The following CYTH3 variants were observed in gnomAD, a reference collection of about 807,000 sequenced individuals.
CYTH3 encodes the protein cytohesin 3.
A neutral mutation model predicts 55.1 loss-of-function variants in CYTH3; 23 were observed. That is an observed-to-expected ratio of 0.42 (90% CI 0.30 to 0.59). The LOEUF (loss-of-function observed/expected upper bound fraction) is 0.59. CYTH3 is among the 20% of genes least tolerant of loss of function. CYTH3 has a pLI of 0.20. For missense variants in CYTH3, 413 were observed against 524.8 expected, an observed-to-expected ratio of 0.79 and a Z score of 2.08; for synonymous variants, 249 against 194.9, an observed-to-expected ratio of 1.28 and a Z score of -2.31.
At chr7:6,210,359 T>G (rs979491426) in intron 1 of CYTH3, among the ~76,000 whole-genome samples, 12 of 152,320 alleles carry the variant, frequency 7.9e-5, no homozygotes, top group African/African-American at 2.9e-4. Flanking sequence ...GAAAGTCATC[T>G]CTGACAATTT....
At chr7:6,221,874 G>A (rs899547000) in intron 1 of CYTH3, among the ~76,000 whole-genome samples, 1 of 152,120 alleles carries the variant, frequency 6.6e-6, no homozygotes, top group South Asian at 2.1e-4. Context: ...ATCATTTGAA[G>A]CCTAGAATCC....
chr7:6,225,916 G>C (rs1779239045), intron 1 of CYTH3, among the ~76,000 whole-genome samples: 1 of 151,618 alleles, frequency 6.6e-6, no homozygotes, highest in Middle Eastern at 3.6e-3. Flanking sequence ...CTGACCTTGG[G>C]AGCTCAAGAC....
intron 5 of CYTH3, among the ~76,000 whole-genome samples, chr7:6,174,846 C>A (rs1192504949): frequency 6.6e-6 from 1 of 152,200 alleles, no homozygotes; most frequent in East Asian, 1.9e-4. Flanking sequence ...CACGCCCAGC[C>A]TCTCCTTGTG....
At chr7:6,204,319 A>C (rs1784135768) in intron 1 of CYTH3, among the ~76,000 whole-genome samples, 1 of 152,338 alleles carries the variant, frequency 6.6e-6, no homozygotes, top group South Asian at 2.1e-4. Flanking sequence ...TGCTTTGCTC[A>C]ATCTCTGGAG....
chr7:6,205,875 T>TAAAAAAAAA (rs370194149), intron 1 of CYTH3, among the ~76,000 whole-genome samples: 2 of 28,090 alleles, frequency 7.1e-5, no homozygotes, highest in African/African-American at 3.1e-4. Flanking sequence ...TCCTATCTCT[T>TAAAAAAAAA]AAAAAAAAAA....
chr7:6,168,962 T>A (rs1031883259), intron 9 of CYTH3, among the ~76,000 whole-genome samples: 4 of 152,074 alleles, frequency 2.6e-5, no homozygotes, highest in African/African-American at 9.7e-5. Flanking sequence ...TCCGGTTACA[T>A]TCCCCCCCAC....
chr7:6,206,786 A>T (rs911160299), intron 1 of CYTH3, among the ~76,000 whole-genome samples: 1 of 152,214 alleles, frequency 6.6e-6, no homozygotes, highest in Non-Finnish European at 1.5e-5. Flanking sequence ...TCTAAGGTAC[A>T]AACATGAGTC....
intron 1 of CYTH3, among the ~76,000 whole-genome samples, chr7:6,255,608 C>G (rs1780077887): frequency 6.6e-6 from 1 of 152,042 alleles, no homozygotes; most frequent in South Asian, 2.1e-4. Flanking sequence ...GGTCCAGCAC[C>G]TCATCAAGAT....
chr7:6,244,561 C>T (rs1779756112), intron 1 of CYTH3, among the ~76,000 whole-genome samples: 1 of 152,138 alleles, frequency 6.6e-6, no homozygotes, highest in Admixed American at 6.5e-5. Context: ...ACCACCTGGA[C>T]TCAAGCGATC....
chr7:6,200,750 C>G (rs569024673), intron 1 of CYTH3, among the ~76,000 whole-genome samples: 3 of 152,226 alleles, frequency 2.0e-5, no homozygotes, highest in African/African-American at 7.2e-5. Context: ...ACTGTTATAT[C>G]CAGCAATTTA....
intron 1 of CYTH3, among the ~76,000 whole-genome samples, chr7:6,256,247 G>A (rs1034026082): frequency 6.6e-6 from 1 of 152,148 alleles, no homozygotes; most frequent in Non-Finnish European, 1.5e-5. Flanking sequence ...GAGAACTTCT[G>A]CCGGGATATT....
chr7:6,259,744 AT>A (rs1174797159), intron 1 of CYTH3, among the ~76,000 whole-genome samples: 2 of 17,948 alleles, frequency 1.1e-4, no homozygotes, highest in South Asian at 1.6e-3. Context: ...CATATATATA[AT>A]ATATATATAT....
intron 1 of CYTH3, among the ~76,000 whole-genome samples, chr7:6,240,941 C>G (rs1258920016): frequency 6.6e-6 from 1 of 151,820 alleles, no homozygotes; most frequent in African/African-American, 2.4e-5. Flanking sequence ...TGGTGAAACC[C>G]CGTCTCTGCT....
At chr7:6,270,720 G>A (rs1003868815) in intron 1 of CYTH3, among the ~76,000 whole-genome samples, 3 of 151,912 alleles carry the variant, frequency 2.0e-5, no homozygotes, top group Non-Finnish European at 4.4e-5. Flanking sequence ...ATACGTGAGG[G>A]GTTTATTTCA....
chr7:6,249,566 G>A (rs532284378), intron 1 of CYTH3, among the ~76,000 whole-genome samples: 2 of 152,322 alleles, frequency 1.3e-5, no homozygotes, highest in East Asian at 3.9e-4. Flanking sequence ...TCTGAGCACA[G>A]CCCCGTGAGG....
At chr7:6,191,682 G>A (rs557953384) in intron 1 of CYTH3, among the ~76,000 whole-genome samples, 48 of 145,410 alleles carry the variant, frequency 3.3e-4, no homozygotes, top group Middle Eastern at 7.7e-3. Context: ...TGCATCCTCC[G>A]TCTCCTGGGT....
chr7:6,254,215 T>G (rs1780045527), intron 1 of CYTH3, among the ~76,000 whole-genome samples: 1 of 151,500 alleles, frequency 6.6e-6, no homozygotes, highest in Non-Finnish European at 1.5e-5. Flanking sequence ...AAAATAAGAC[T>G]GATAAAAGAT....
intron 1 of CYTH3, among the ~76,000 whole-genome samples, chr7:6,265,192 C>G (rs573055059): frequency 7.2e-4 from 108 of 150,816 alleles, no homozygotes; most frequent in Middle Eastern, 3.4e-3. Context: ...GAGTAGTAGT[C>G]AAGGGCAGTC....
intron 4 of CYTH3, among the ~76,000 whole-genome samples, chr7:6,185,432 C>G (rs538343569): frequency 6.6e-6 from 1 of 152,104 alleles, no homozygotes; most frequent in East Asian, 1.9e-4. Flanking sequence ...GCACTGGGCT[C>G]ACGCCTGTAA....
Sources: allele counts gnomAD v4.1 joint callset (sites outside exome capture counted in the v4.1 genomes callset), GRCh38; gene constraint gnomAD v4.1.1; transcripts MANE v1.5; gene names NCBI Gene and HGNC (gene_info 2026-07-23, HGNC 2026-07-21).